Variants in NUP214 observed in about 807,000 individuals in gnomAD.
NUP214 encodes nucleoporin 214.
Under a neutral mutation model 196.2 loss-of-function variants are expected in NUP214, and 79 were observed. That is an observed-to-expected ratio of 0.40 (90% confidence interval 0.34 to 0.49). The LOEUF (loss-of-function observed/expected upper bound fraction) is 0.49, where lower values mean the gene tolerates loss of function less well. Ranked by LOEUF, NUP214 falls within the 20% of genes least tolerant of loss-of-function variation. The pLI is 0.58. For synonymous variants in NUP214, 1,020 were observed against 990.5 expected (o/e 1.03, Z -0.56); for missense variants, 2,468 against 2,539.0 (o/e 0.97, Z 0.60).
At position 131,127,287 on chromosome 9, in the gene NUP214, G is replaced by A. The variant is rs1245524152; in HGVS notation, c.46-237G>A. 2.6e-5 allele frequency among the ~76,000 whole-genome samples: 4 copies of A among 152,166 alleles called. No homozygotes were observed. In the East Asian group the frequency reaches 7.7e-4, roughly 29 times the overall value. ...AATCCCAGCTACTTGGGAGTCTGAA[G>A]CAGGAGAATCGCTTGAACCTGGGAG... is the stretch of plus-strand genomic sequence containing the variant. On this transcript the variant is annotated intron_variant, in intron 1 of 35. Transcript: ENST00000359428.
Position 131,144,295 on chromosome 9 carries a change from C to T in NUP214, c.1310C>T (p.Thr437Ile). The change falls in exon 12 of 36, where the codon ACC becomes ATC. Residue 437 changes from threonine to isoleucine, a missense_variant. Physicochemically the swap from Thr to Ile is moderately conservative, Grantham distance 89. Coordinates refer to ENST00000359428, the MANE Select transcript of NUP214 (RefSeq NM_005085.4). ...GTCACTGCAGGAAGTACTCCCACTA[C>T]CCCAACCTCCTCTCAAGCCCCACAG... The part of the protein sequence containing the change: ...QPKSPGSTPT[T>I]PTSSQAPQKL... 6.2e-7 allele frequency: 1 copy of T among 1,613,598 alleles called. No individual in the cohort carries two copies. The highest frequency in any genetic ancestry group is 8.5e-7 in the Non-Finnish European group (1 of 1,179,838).
In NUP214 at chr9:131,169,468, G is replaced by A. The variant is rs1373269042; in HGVS notation, c.2894-4587G>A. On this transcript the variant is annotated intron_variant, in intron 21 of 35. Transcript: ENST00000359428. The stretch of plus-strand genomic sequence containing the variant: ...GAGGCCAGCCTGGGAAAGGAGTGGT[G>A]AGACCCTGTCTCAGATAAATATATA... Among the ~76,000 whole-genome samples, 3 of 152,196 alleles carry A rather than the reference G, an allele frequency of 2.0e-5. No individual in the cohort carries two copies. The East Asian group carries it at 5.8e-4, about 29-fold the overall frequency.
Position 131,179,594 on chromosome 9 carries a change from C to T in NUP214, c.3419+1184C>T, listed in dbSNP as rs541611125. On this transcript the variant is annotated intron_variant, in intron 24 of 35. Transcript: ENST00000359428. Reference sequence around the variant, plus strand: ...AAGGGCAGCCATAGACCTTGTGGTTCTCCACAGCGTGCCCACCCTCTGCCA... The same window carrying T: ...AAGGGCAGCCATAGACCTTGTGGTTTTCCACAGCGTGCCCACCCTCTGCCA... Among the ~76,000 whole-genome samples, 8 of 152,296 alleles carry T rather than the reference C, an allele frequency of 5.3e-5. No individual in the cohort carries two copies. In the South Asian group the frequency reaches 1.7e-3, roughly 32 times the overall value.
chr9:131,196,184 G>C (rs1387880742), intron 28 of NUP214, among the ~76,000 whole-genome samples: 1 of 152,042 alleles, frequency 6.6e-6, no homozygotes, highest in East Asian at 1.9e-4. Flanking sequence ...TTGAGATGGA[G>C]TCTCACTGTT....
chr9:131,147,312 CA>C (rs1468486373), intron 13 of NUP214, among the ~76,000 whole-genome samples, 177 bp from the exon 14 acceptor site: 2 of 152,024 alleles, frequency 1.3e-5, no homozygotes, highest in African/African-American at 4.8e-5. Context: ...ATATTTTTTT[CA>C]TTATCTTAGA....
At chr9:131,183,573 T>C (rs1833353090) in intron 24 of NUP214, among the ~76,000 whole-genome samples, 1 of 152,244 alleles carries the variant, frequency 6.6e-6, no homozygotes, top group African/African-American at 2.4e-5. Flanking sequence ...AGCTTTTGTA[T>C]GTCTGCAGAA....
Position 131,125,817 on chromosome 9 carries a change from G to A in NUP214, c.45+68G>A. ...CGTTGCCTTGGAGCCCAGCTGAAAG[G>A]CGAAGCGCGGTGCTGGCTGTCCCGC... On this transcript the variant is annotated intron_variant, in intron 1 of 35. Coordinates refer to ENST00000359428, the MANE Select transcript of NUP214 (RefSeq NM_005085.4). The surrounding 1 kb of genome is among the most constrained non-coding windows in gnomAD (Gnocchi z 4.1). 1 of 1,524,580 alleles carries A rather than the reference G, an allele frequency of 6.6e-7. No individual in the cohort carries two copies. The highest frequency in any genetic ancestry group is 8.9e-7 in the Non-Finnish European group (1 of 1,123,966). 94.4% of individuals were successfully genotyped at this position (1,524,580 alleles called of 1,614,324 possible).
Position 131,215,242 on chromosome 9 carries a change from G to T in NUP214, c.5623G>T (p.Gly1875Trp), listed in dbSNP as rs772959554. Residue 1875 changes from glycine to tryptophan, a missense_variant, in exon 31 of 36, where the codon GGG becomes TGG. By Grantham distance (184) the Gly-to-Trp change is radical. This residue lies in a region of NUP214 where 262 missense variants were observed against 296.5 expected (regional missense o/e 0.88). Transcript: ENST00000359428. ...ATCCTCTTCCAGTGGTAGCGTGTTT[G>T]GGTCTGGAAACACTGGAAGAGGGGG... Reference protein sequence around the residue: ...QSSSSSGSVFGSGNTGRGGGF... With the variant: ...QSSSSSGSVFWSGNTGRGGGF... 2 of 1,582,476 alleles carry T rather than the reference G, an allele frequency of 1.3e-6. No homozygotes were observed. Among genetic ancestry groups the T allele is most frequent in the Admixed American group, 3.6e-5 (2 of 55,226 alleles).
chr9:131,134,565 G>A (rs1237825227), intron 7 of NUP214, among the ~76,000 whole-genome samples: 1 of 152,038 alleles, frequency 6.6e-6, no homozygotes, highest in African/African-American at 2.4e-5. Context: ...TGGAAGTTTT[G>A]TATGTATCAT....
intron 30 of NUP214, among the ~76,000 whole-genome samples, chr9:131,204,749 C>G (rs951509417): frequency 3.9e-5 from 6 of 152,150 alleles, no homozygotes; most frequent in Admixed American, 2.0e-4. Context: ...AAGACAGAAC[C>G]TTCCAAAACT....
rs1164371019 is a variant in NUP214, at chr9:131,198,000, T to C, written c.4506T>C (p.Pro1502=). 5 of 1,614,092 alleles carry C rather than the reference T, an allele frequency of 3.1e-6. No individual in the cohort carries two copies. The highest frequency in any genetic ancestry group is 4.2e-6 in the Non-Finnish European group (5 of 1,180,042). The part of the protein sequence containing the change: ...STEEATSSAL[P]EKPGDSEVSA... ...AAGAGGCCACTTCATCAGCTTTGCC[T>C]GAGAAGCCAGGTGACAGTGAGGTCT... is the stretch of plus-strand genomic sequence containing the variant. The change falls in exon 29 of 36, where the codon CCT becomes CCC. Residue 1502 remains proline (P), a synonymous_variant. Coordinates refer to ENST00000359428, the MANE Select transcript of NUP214 (RefSeq NM_005085.4).
intron 17 of NUP214, chr9:131,153,226 T>G (rs1832326467): frequency 1.3e-5 from 2 of 152,300 alleles, no homozygotes; most frequent in Middle Eastern, 3.4e-3. Context: ...CTGGCATCTC[T>G]GGTCTTCCTC....
In NUP214 at chr9:131,125,873, G is replaced by A; in HGVS notation, c.45+124G>A. On this transcript the variant is annotated intron_variant, in intron 1 of 35. Transcript: ENST00000359428. The surrounding 1 kb of genome is among the most constrained non-coding windows in gnomAD (Gnocchi z 4.1). ...GCTTGAACAGTTTACCGCGTTCACAGCTCTCACCAGCGCGTCTGCCGCGCC... is the reference window on the plus strand; with the variant it reads ...GCTTGAACAGTTTACCGCGTTCACAACTCTCACCAGCGCGTCTGCCGCGCC... 8.9e-7 allele frequency: 1 copy of A among 1,120,718 alleles called. No homozygotes were observed. The highest frequency in any genetic ancestry group is 1.4e-5 in the South Asian group (1 of 69,880). 69.4% of individuals were successfully genotyped at this position (1,120,718 alleles called of 1,614,324 possible).
rs1452228959 is a variant in NUP214, at chr9:131,201,707, T to G, written c.5582T>G (p.Val1861Gly). 6 of 1,613,848 alleles carry G rather than the reference T, an allele frequency of 3.7e-6. No individual in the cohort carries two copies. The African/African-American group carries it at 8.0e-5, about 22-fold the overall frequency. ...FGQAASTGGI[V>G]FGQQSSSSSG... The stretch of plus-strand genomic sequence containing the variant: ...CAAGCAGCCAGTACTGGTGGAATAG[T>G]CTTTGGCCAGGTAAATATGCATTTG... The change falls in exon 30 of 36, where the codon GTC (valine) becomes GGC (glycine). Residue 1861 changes from valine to glycine, a missense_variant. Physicochemically the swap from Val to Gly is moderately radical, Grantham distance 109. This residue lies in a region of NUP214 where 262 missense variants were observed against 296.5 expected (regional missense o/e 0.88). Coordinates refer to ENST00000359428, the MANE Select transcript of NUP214 (RefSeq NM_005085.4).
In NUP214 at chr9:131,230,717, T is replaced by C. The variant is rs745987943; in HGVS notation, c.6162T>C (p.Ser2054=). The C allele has an allele frequency of 1.1e-5, 18 of 1,614,060 alleles. No individual in the cohort carries two copies. In the South Asian group the frequency reaches 1.9e-4, roughly 17 times the overall value. The change falls in exon 34 of 36, where the codon TCT becomes TCC. Residue 2054 remains serine (S), a synonymous_variant. Coordinates refer to ENST00000359428, the MANE Select transcript of NUP214 (RefSeq NM_005085.4). ...TCGGATCACTGTCCCAACAGACTTCTGGTTTTGGGACCCAGAGTAGCGGAT... is the reference window on the plus strand; with the variant it reads ...TCGGATCACTGTCCCAACAGACTTCCGGTTTTGGGACCCAGAGTAGCGGAT... ...PTFGSLSQQT[S]GFGTQSSGFS...
intron 31 of NUP214, among the ~76,000 whole-genome samples, chr9:131,221,067 G>A (rs888259223): frequency 1.3e-5 from 2 of 152,188 alleles, no homozygotes; most frequent in African/African-American, 4.8e-5. Context: ...CCAAGTAAAC[G>A]GAATGGCTGA....
chr9:131,201,691 A>T lies in NUP214; in HGVS notation c.5566A>T (p.Ser1856Cys). ...TGGTTCTGTGTTTGGTCAAGCAGCCAGTACTGGTGGAATAGTCTTTGGCCA... is the reference window on the plus strand; with the variant it reads ...TGGTTCTGTGTTTGGTCAAGCAGCCTGTACTGGTGGAATAGTCTTTGGCCA... Reference protein sequence around the residue: ...NTGSVFGQAASTGGIVFGQQS... With the variant: ...NTGSVFGQAACTGGIVFGQQS... Residue 1856 changes from serine to cysteine, a missense_variant, in exon 30 of 36, where the codon AGT (serine) becomes TGT (cysteine). Physicochemically the swap from Ser to Cys is moderately radical, Grantham distance 112 (BLOSUM62 -1). Coordinates refer to ENST00000359428, the MANE Select transcript of NUP214 (RefSeq NM_005085.4). The T allele has an allele frequency of 6.2e-7, 1 of 1,614,110 alleles. No individual in the cohort carries two copies. Among genetic ancestry groups the T allele is most frequent in the Non-Finnish European group, 8.5e-7 (1 of 1,179,932 alleles).
intron 23 of NUP214, among the ~76,000 whole-genome samples, chr9:131,177,398 A>T (rs904317495): frequency 6.6e-6 from 1 of 152,168 alleles, no homozygotes; most frequent in Non-Finnish European, 1.5e-5. Flanking sequence ...GATCTGTAAA[A>T]CGTTAAAATC....
At chr9:131,215,766 C>G (rs1366250611) in intron 31 of NUP214, among the ~76,000 whole-genome samples, 3 of 152,176 alleles carry the variant, frequency 2.0e-5, no homozygotes, top group African/African-American at 7.2e-5. Flanking sequence ...TAGTACTCTC[C>G]AAATTTTCCT....
Sources: allele counts gnomAD v4.1 joint callset (sites outside exome capture counted in the v4.1 genomes callset), GRCh38; gene constraint gnomAD v4.1.1; regional missense constraint gnomAD v4.1.1; non-coding constraint Gnocchi (gnomAD v3.1); transcripts MANE v1.5; gene names NCBI Gene and HGNC (gene_info 2026-07-23, HGNC 2026-07-21).